ARRB1: variants seen among roughly 807,000 people sequenced by gnomAD.
The protein encoded by ARRB1 is beta-arrestin-1.
A neutral mutation model predicts 56.8 loss-of-function variants in ARRB1; 21 were observed. That is an observed-to-expected ratio of 0.37 (90% confidence interval 0.26 to 0.53). The LOEUF is 0.53. ARRB1 is among the 20% of genes least tolerant of loss of function. The pLI is 0.88. For missense variants in ARRB1, 424 were observed against 553.7 expected (o/e 0.77, Z 2.35); for synonymous variants, 210 against 218.6 (o/e 0.96, Z 0.35).
chr11:75,278,881 G>A (rs1591906672), intron 7 of ARRB1, 137 bp from the exon 8 acceptor site: 1 of 1,230,744 alleles, frequency 8.1e-7, no homozygotes, highest in Non-Finnish European at 1.1e-6. Flanking sequence ...AAACTGCAGA[G>A]ATCAGCATAG....
chr11:75,277,520 G>T, intron 8 of ARRB1, 72 bp from the exon 9 acceptor site: 1 of 1,366,934 alleles, frequency 7.3e-7, no homozygotes, highest in Non-Finnish European at 1.0e-6. Flanking sequence ...AGGGAGAAAA[G>T]CCCCCACGCG....
intron 1 of ARRB1, 52 bp from the exon 2 acceptor site, chr11:75,290,091 C>T (rs1229767348): frequency 6.2e-7 from 1 of 1,611,896 alleles, no homozygotes; most frequent in South Asian, 1.1e-5. Context: ...TGCCCAGGGG[C>T]AAGCTCCTGC....
rs1402505550 is a variant in ARRB1, at chr11:75,260,163, T to C, written c.*6000A>G. 5 of 152,372 alleles carry C rather than the reference T, an allele frequency of 3.3e-5. No homozygotes were observed. The highest frequency in any genetic ancestry group is 1.2e-4 in the African/African-American group (5 of 41,598). The allele number at this position is 152,372 out of a possible 1,614,324, so 9.4% of individuals were successfully genotyped here. A position where few individuals can be genotyped will look rare whatever the true frequency, so the allele number is the denominator to read the frequency against. ...ACCTTTAATGGCCTCCTATTTATTG[T>C]TCTTTTGTTCATTTGTTAGAGTTGA... On this transcript the variant is annotated 3_prime_UTR_variant, in exon 16 of 16. Coordinates refer to ENST00000420843, the MANE Select transcript of ARRB1 (RefSeq NM_004041.5).
At chr11:75,306,782 C>T in intron 1 of ARRB1, 1 of 821,144 alleles carries the variant, frequency 1.2e-6, no homozygotes, top group Non-Finnish European at 1.7e-6. Context: ...TTCCTCTCCT[C>T]CTCCGGGCTT....
chr11:75,281,828 G>C (rs1946350117), intron 6 of ARRB1, 134 bp downstream of exon 6: 2 of 911,688 alleles, frequency 2.2e-6, no homozygotes, highest in Admixed American at 4.7e-5. Context: ...GGTGGGACCA[G>C]CTTAGCCTAG....
intron 1 of ARRB1, among the ~76,000 whole-genome samples, chr11:75,324,310 T>C (rs965720562): frequency 6.6e-6 from 1 of 152,208 alleles, no homozygotes; most frequent in African/African-American, 2.4e-5. Context: ...CCTTTACTGC[T>C]GGGACAGCGC....
At chr11:75,270,244 G>T (rs755620686) in intron 13 of ARRB1, among the ~76,000 whole-genome samples, 33 of 152,240 alleles carry the variant, frequency 2.2e-4, no homozygotes, top group Non-Finnish European at 4.3e-4. Context: ...ACTTTGGGAG[G>T]CCAAGGCGGG....
chr11:75,277,012 G>T, intron 9 of ARRB1, 101 bp from the exon 10 acceptor site: 1 of 1,193,832 alleles, frequency 8.4e-7, no homozygotes, highest in Non-Finnish European at 1.2e-6. Context: ...CCAGGCAATG[G>T]CCAGAGGCCA....
chr11:75,327,170 C>T (rs1360565431), intron 1 of ARRB1, among the ~76,000 whole-genome samples: 9 of 150,792 alleles, frequency 6.0e-5, no homozygotes, highest in African/African-American at 1.7e-4. Flanking sequence ...GGCGCAGTGG[C>T]GGGTGCCTGT....
At chr11:75,334,385 C>T (rs188639632) in intron 1 of ARRB1, among the ~76,000 whole-genome samples, 2 of 151,252 alleles carry the variant, frequency 1.3e-5, no homozygotes, top group Admixed American at 1.3e-4. Context: ...CAGTTTATAA[C>T]CACTTTCACC....
At chr11:75,292,324 G>A (rs781363605) in intron 1 of ARRB1, among the ~76,000 whole-genome samples, 14 of 152,034 alleles carry the variant, frequency 9.2e-5, no homozygotes, top group Non-Finnish European at 2.1e-4. Context: ...ATTTTTAGTA[G>A]AGATGGGGTT....
intron 1 of ARRB1, among the ~76,000 whole-genome samples, chr11:75,308,421 G>C (rs1947078521): frequency 6.6e-6 from 1 of 152,192 alleles, no homozygotes; most frequent in Non-Finnish European, 1.5e-5. Flanking sequence ...AATCTGACTG[G>C]ATTTTGGTAA....
chr11:75,310,509 T>A (rs1947133810), intron 1 of ARRB1, among the ~76,000 whole-genome samples: 1 of 152,170 alleles, frequency 6.6e-6, no homozygotes, highest in African/African-American at 2.4e-5. Context: ...TATTTTATAC[T>A]CTCTGTGTAT....
Position 75,281,998 on chromosome 11 carries a change from A to G in ARRB1, c.378T>C (p.Ser126=), listed in dbSNP as rs766109634. The change falls in exon 6 of 16, where the codon TCT becomes TCC. Residue 126 remains serine (S), a synonymous_variant. Transcript: ENST00000420843. ...CTTCGGGCCCCGGCTGCAGTGTCACAGAACATGGAAGGTTTGGAGGGATCT... is the reference window on the plus strand; with the variant it reads ...CTTCGGGCCCCGGCTGCAGTGTCACGGAACATGGAAGGTTTGGAGGGATCT... ...TFEIPPNLPC[S]VTLQPGPEDT... 1.2e-6 allele frequency: 2 copies of G among 1,614,132 alleles called. No homozygotes were observed. The highest frequency in any genetic ancestry group is 1.7e-6 in the Non-Finnish European group (2 of 1,180,010).
chr11:75,283,449 G>A lies in ARRB1; in HGVS notation c.192C>T (p.Gly64=), dbSNP rs1946394928. The change falls in exon 5 of 16, where the codon GGC becomes GGT. Residue 64 remains glycine (G), a synonymous_variant. Transcript: ENST00000420843. ...GGCCCAGGACATCCAGGTCCTCCCGGCCATAGCGGAAGGCGCAGGTCAGCG... is the reference window on the plus strand; with the variant it reads ...GGCCCAGGACATCCAGGTCCTCCCGACCATAGCGGAAGGCGCAGGTCAGCG... ...YVTLTCAFRY[G]REDLDVLGLT... 1 of 1,613,646 alleles carries A rather than the reference G, an allele frequency of 6.2e-7. No homozygotes were observed. The highest frequency in any genetic ancestry group is 8.5e-7 in the Non-Finnish European group (1 of 1,179,690).
At chr11:75,278,558 C>T in intron 8 of ARRB1, 51 bp downstream of exon 8, 1 of 1,611,710 alleles carries the variant, frequency 6.2e-7, no homozygotes, top group Non-Finnish European at 8.5e-7. Context: ...GATCTGAGGC[C>T]CAGGCCCTGG....
At chr11:75,293,048 AATG>A (rs1329625001) in intron 1 of ARRB1, among the ~76,000 whole-genome samples, 1 of 151,968 alleles carries the variant, frequency 6.6e-6, no homozygotes, top group Non-Finnish European at 1.5e-5. Context: ...AAAGAGGAGA[AATG>A]AGGAGAGGAG....
chr11:75,283,241 G>A (rs748724251), intron 5 of ARRB1, 46 bp downstream of exon 5: 1 of 1,553,918 alleles, frequency 6.4e-7, no homozygotes, highest in Non-Finnish European at 8.7e-7. Flanking sequence ...GGGCTTCCTA[G>A]AGGTGGCATT....
At position 75,263,297 on chromosome 11, in the gene ARRB1, C is replaced by A. The variant is rs951981500; in HGVS notation, c.*2866G>T. Among the ~76,000 whole-genome samples, 1 of 152,228 alleles carries A rather than the reference C, an allele frequency of 6.6e-6. No individual in the cohort carries two copies. Among genetic ancestry groups the A allele is most frequent in the Non-Finnish European group, 1.5e-5 (1 of 68,036 alleles). On this transcript the variant is annotated 3_prime_UTR_variant, in exon 16 of 16. Transcript: ENST00000420843. ...GGTGGTGCCTGGAGTTGACCAGAAG[C>A]TTGGAAACATGACCTGCGGCTTCCT...
Sources: gnomAD v4.1 joint callset for allele counts (sites outside exome capture counted in the v4.1 genomes callset) on GRCh38, gnomAD v4.1.1 for gene constraint, MANE v1.5 for transcripts, NCBI Gene and HGNC (gene_info 2026-07-23, HGNC 2026-07-21) for gene names.